Variants in NCK2 observed in about 807,000 individuals in gnomAD.
NCK2 encodes the protein cytoplasmic protein NCK2.
In NCK2, 16 loss-of-function variants were observed where a neutral mutation model predicts 33.9. The observed-to-expected ratio is 0.47, with a 90% CI of 0.32 to 0.72. NCK2 has a LOEUF of 0.72. Among genes scored for constraint, NCK2 ranks in the 30% least tolerant of loss-of-function variants. The pLI is 0.03. For synonymous variants in NCK2, 273 were observed against 239.9 expected, an observed-to-expected ratio of 1.14 and a Z score of -1.27; for missense variants, 418 against 537.3, an observed-to-expected ratio of 0.78 and a Z score of 2.19.
At chr2:105,880,381 A>G (rs530966399) in intron 3 of NCK2, among the ~76,000 whole-genome samples, 10 of 152,338 alleles carry the variant, frequency 6.6e-5, no homozygotes, top group South Asian at 4.1e-4. Context: ...CACTCATCAC[A>G]ATCTGTTGTG....
chr2:105,779,553 C>T (rs1690420267), intron 1 of NCK2, among the ~76,000 whole-genome samples: 1 of 152,174 alleles, frequency 6.6e-6, no homozygotes, highest in Non-Finnish European at 1.5e-5. Flanking sequence ...GAGCTGGGTG[C>T]AGCCTCCTGG....
intron 1 of NCK2, among the ~76,000 whole-genome samples, chr2:105,796,389 A>G (rs1450692775): frequency 6.6e-6 from 1 of 152,234 alleles, no homozygotes; most frequent in Non-Finnish European, 1.5e-5. Flanking sequence ...CTTAAGAAAT[A>G]TTCAATTTCC....
Position 105,881,432 on chromosome 2 carries a change from G to C in NCK2, c.331G>C (p.Asp111His), listed in dbSNP as rs766256305. 1 of 1,613,368 alleles carries C rather than the reference G, an allele frequency of 6.2e-7. No homozygotes were observed. The highest frequency in any genetic ancestry group is 1.1e-5 in the South Asian group (1 of 91,086). The stretch of plus-strand genomic sequence containing the variant: ...TGGCAGCGGCGCCGACCGCATCTAC[G>C]ACCTCAACATCCCGGCCTTCGTCAA... ...ANGSGADRIY[D>H]LNIPAFVKFA... Residue 111 changes from aspartate (D) to histidine (H), a missense_variant, in exon 4 of 5, where the codon GAC (aspartate) becomes CAC (histidine). Coordinates refer to ENST00000233154, the MANE Select transcript of NCK2 (RefSeq NM_003581.5).
intron 3 of NCK2, among the ~76,000 whole-genome samples, chr2:105,868,705 T>C (rs950048571): frequency 1.3e-5 from 2 of 152,242 alleles, no homozygotes; most frequent in African/African-American, 4.8e-5. Flanking sequence ...GTGCTTCTAC[T>C]GTGGGTTTTC....
intron 1 of NCK2, among the ~76,000 whole-genome samples, chr2:105,764,900 A>C (rs1381204874): frequency 1.3e-5 from 2 of 151,974 alleles, no homozygotes; most frequent in Non-Finnish European, 2.9e-5. Context: ...GTGATATCCC[A>C]TGGAGTTGAA....
chr2:105,760,352 C>T (rs1313173970), intron 1 of NCK2, among the ~76,000 whole-genome samples: 1 of 152,174 alleles, frequency 6.6e-6, no homozygotes, highest in Non-Finnish European at 1.5e-5. Context: ...TGCCTGACTT[C>T]CCGCGTGGGA....
rs185970497 is a variant in NCK2 at position 105,750,642 on chromosome 2, C to A, written c.-201+5504C>A. On this transcript the variant is annotated intron_variant, in intron 1 of 4. Coordinates refer to ENST00000233154, the MANE Select transcript of NCK2 (RefSeq NM_003581.5). The stretch of plus-strand genomic sequence containing the variant: ...AACAGGGAACAAGCCTTGGTGCTGG[C>A]CTTCCAAAGGCTGGAAAGGTTTTAA... Among the ~76,000 whole-genome samples, 990 of 152,272 alleles carry A rather than the reference C, an allele frequency of 6.5e-3. 9 individuals carry two copies. The highest frequency in any genetic ancestry group is 0.023 in the African/African-American group (949 of 41,546).
chr2:105,750,719 A>T (rs1689429837), intron 1 of NCK2, among the ~76,000 whole-genome samples: 1 of 152,348 alleles, frequency 6.6e-6, no homozygotes, highest in South Asian at 2.1e-4. Context: ...ATTTATGGAA[A>T]CTTCTCTTCA....
intron 2 of NCK2, among the ~76,000 whole-genome samples, chr2:105,830,677 G>GTA (rs1335119156): frequency 1.7e-5 from 2 of 117,162 alleles, no homozygotes; most frequent in Non-Finnish European, 1.8e-5. Context: ...TTTGGTGTGT[G>GTA]TGTGTGTGTG....
At chr2:105,792,305 C>T (rs1690913729) in intron 1 of NCK2, among the ~76,000 whole-genome samples, 1 of 152,092 alleles carries the variant, frequency 6.6e-6, no homozygotes, top group Non-Finnish European at 1.5e-5. Flanking sequence ...TCAGTGTAGT[C>T]CTAAGGTAGA....
chr2:105,767,257 T>A (rs912475618), intron 1 of NCK2, among the ~76,000 whole-genome samples: 2 of 152,248 alleles, frequency 1.3e-5, no homozygotes, highest in Non-Finnish European at 2.9e-5. Flanking sequence ...TGCAATTTGC[T>A]GTTAATGTAA....
intron 3 of NCK2, chr2:105,856,792 A>G (rs1379533736): frequency 1.3e-5 from 2 of 152,220 alleles, no homozygotes; most frequent in African/African-American, 4.8e-5. Flanking sequence ...CTCCTTCTCC[A>G]CTGAGCTGCC....
intron 3 of NCK2, among the ~76,000 whole-genome samples, chr2:105,861,311 G>A (rs774588851): frequency 6.6e-6 from 1 of 152,054 alleles, no homozygotes; most frequent in African/African-American, 2.4e-5. Flanking sequence ...GATCATGCAC[G>A]ATCTTTAAAG....
chr2:105,844,699 C>T lies in NCK2; in HGVS notation c.-16-10349C>T, dbSNP rs965972637. On this transcript the variant is annotated intron_variant, in intron 2 of 4. Transcript: ENST00000233154. ...GCAGTGAGCTGAGATCGCGCCACTG[C>T]ACTCCAGCCTGAGCAACAGAGTAAG... Among the ~76,000 whole-genome samples the T allele has an allele frequency of 3.4e-5, 5 of 149,088 alleles. No individual in the cohort carries two copies. The East Asian group carries it at 9.8e-4, about 29-fold the overall frequency.
intron 1 of NCK2, among the ~76,000 whole-genome samples, chr2:105,751,145 G>C (rs1689441705): frequency 6.6e-6 from 1 of 152,140 alleles, no homozygotes; most frequent in African/African-American, 2.4e-5. Context: ...CAAGTTCTTA[G>C]TGGTCATTTC....
chr2:105,772,205 C>G (rs1690156821), intron 1 of NCK2, among the ~76,000 whole-genome samples: 1 of 152,062 alleles, frequency 6.6e-6, no homozygotes. Context: ...AACTCTTGAT[C>G]TCTTTGGCCC....
chr2:105,878,555 G>A (rs1002014818), intron 3 of NCK2, among the ~76,000 whole-genome samples: 1 of 152,206 alleles, frequency 6.6e-6, no homozygotes, highest in African/African-American at 2.4e-5. Context: ...AACCAACCCT[G>A]CCCACACCTT....
At chr2:105,886,659 A>G (rs1186753172) in intron 4 of NCK2, among the ~76,000 whole-genome samples, 2 of 152,232 alleles carry the variant, frequency 1.3e-5, no homozygotes, top group Non-Finnish European at 2.9e-5. Flanking sequence ...ACTTAAATGT[A>G]TCACTCAGTC....
At chr2:105,823,884 G>C (rs775432832) in intron 2 of NCK2, among the ~76,000 whole-genome samples, 1 of 152,036 alleles carries the variant, frequency 6.6e-6, no homozygotes, top group African/African-American at 2.4e-5. Flanking sequence ...TGGCTGTTTC[G>C]TGATCAAACG....
Sources: allele counts gnomAD v4.1 joint callset (sites outside exome capture counted in the v4.1 genomes callset), GRCh38; gene constraint gnomAD v4.1.1; transcripts MANE v1.5; gene names NCBI Gene and HGNC (gene_info 2026-07-23, HGNC 2026-07-21).